The following KANK1 variants were observed in gnomAD, a reference collection of about 807,000 sequenced individuals.
KANK1 encodes the protein KN motif and ankyrin repeat domain-containing protein 1.
A neutral mutation model predicts 106.2 loss-of-function variants in KANK1; 109 were observed. The ratio of observed to expected loss-of-function variants is 1.03; its 90% CI spans 0.88 to 1.20. The LOEUF (loss-of-function observed/expected upper bound fraction) is 1.20, where lower values mean the gene tolerates loss of function less well. KANK1 is among the 50% of genes most tolerant of loss of function. KANK1 has a pLI of 0.00. For missense variants in KANK1, 2,399 were observed against 1,710.7 expected (o/e 1.40, Z -7.10); for synonymous variants, 873 against 652.2 (o/e 1.34, Z -5.16).
upstream of KANK1, among the ~76,000 whole-genome samples, chr9:503,139 G>C (rs10815129): frequency 0.25 from 38,380 of 151,064 alleles, 10,501 homozygotes; most frequent in African/African-American, 0.69. Flanking sequence ...GCGCCTGGCC[G>C]ACGAGCACTT....
At chr9:653,162 TG>T (rs1274058703) in intron 1 of KANK1, among the ~76,000 whole-genome samples, 4 of 152,152 alleles carry the variant, frequency 2.6e-5, no homozygotes, top group Admixed American at 2.6e-4. Context: ...AATCATAGAA[TG>T]TCTGTCAGGC....
intron 7 of KANK1, among the ~76,000 whole-genome samples, chr9:737,565 C>T (rs950773841): frequency 3.3e-5 from 5 of 152,214 alleles, no homozygotes; most frequent in Admixed American, 6.5e-5. Context: ...AAGCAAGTGC[C>T]TTCTTCATGT....
At chr9:634,345 C>T (rs1298569288) in intron 1 of KANK1, among the ~76,000 whole-genome samples, 1 of 152,048 alleles carries the variant, frequency 6.6e-6, no homozygotes, top group Non-Finnish European at 1.5e-5. Context: ...CTCTGGACTT[C>T]CTTGGTTGAG....
chr9:698,885 A>G (rs1448207728), intron 2 of KANK1, among the ~76,000 whole-genome samples: 1 of 152,074 alleles, frequency 6.6e-6, no homozygotes, highest in African/African-American at 2.4e-5. Context: ...AAATCTGATC[A>G]TTTCACTCCC....
At chr9:506,182 C>A (rs1234381184) in intron 1 of KANK1, among the ~76,000 whole-genome samples, 2 of 152,242 alleles carry the variant, frequency 1.3e-5, no homozygotes, top group African/African-American at 2.4e-5. Context: ...CCCAGCCCTT[C>A]TCCCTCATTT....
chr9:693,743 G>T (rs190817073), intron 2 of KANK1: 3 of 985,352 alleles, frequency 3.0e-6, no homozygotes, highest in Admixed American at 6.1e-5. Context: ...CTGAGACCTG[G>T]CTTCCTGCTC....
At chr9:534,904 A>AAT (rs1198265211) in intron 1 of KANK1, among the ~76,000 whole-genome samples, 1 of 152,212 alleles carries the variant, frequency 6.6e-6, no homozygotes, top group Non-Finnish European at 1.5e-5. Flanking sequence ...TGTGTATTGT[A>AAT]ATTCCATGGA....
chr9:745,371 G>A lies in KANK1; in HGVS notation c.*136G>A. The stretch of plus-strand genomic sequence containing the variant: ...AGAAGCATCAAGCCCAGGGGTAAAG[G>A]CTGAAGCTTTCACAGTGCAGAGACT... On this transcript the variant is annotated 3_prime_UTR_variant, in exon 12 of 12. Coordinates refer to ENST00000382297, the MANE Select transcript of KANK1 (RefSeq NM_015158.5). 1 of 1,128,892 alleles carries A rather than the reference G, an allele frequency of 8.9e-7. No homozygotes were observed. Among genetic ancestry groups the A allele is most frequent in the Non-Finnish European group, 1.3e-6 (1 of 763,382 alleles). 69.9% of individuals were successfully genotyped at this position (1,128,892 alleles called of 1,614,324 possible). A position where few individuals can be genotyped will look rare whatever the true frequency, so the allele number is the denominator to read the frequency against.
At chr9:556,013 T>G (rs2061563148) in intron 1 of KANK1, among the ~76,000 whole-genome samples, 1 of 152,240 alleles carries the variant, frequency 6.6e-6, no homozygotes, top group Admixed American at 6.5e-5. Flanking sequence ...TTTTTAATCA[T>G]ACTATAAAAT....
At chr9:722,919 A>C (rs537976997) in intron 3 of KANK1, among the ~76,000 whole-genome samples, 1 of 152,302 alleles carries the variant, frequency 6.6e-6, no homozygotes, top group African/African-American at 2.4e-5. Flanking sequence ...GGCATATTTG[A>C]ATCTGGACCG....
At chr9:501,659 A>G (rs901033856), upstream of KANK1, among the ~76,000 whole-genome samples, 1 of 151,664 alleles carries the variant, frequency 6.6e-6, no homozygotes, top group Non-Finnish European at 1.5e-5. Context: ...GCTTGATATG[A>G]TATCGATTGG....
At chr9:508,533 G>A (rs576759883) in intron 1 of KANK1, among the ~76,000 whole-genome samples, 6 of 152,002 alleles carry the variant, frequency 3.9e-5, no homozygotes, top group South Asian at 4.1e-4. Flanking sequence ...AATATTGCCA[G>A]CATTGCAGAA....
intron 1 of KANK1, among the ~76,000 whole-genome samples, chr9:582,781 C>T (rs1349465902): frequency 6.6e-6 from 1 of 152,206 alleles, no homozygotes; most frequent in Non-Finnish European, 1.5e-5. Context: ...AATTTCAGTA[C>T]AAGCTGTACA....
At chr9:719,711 C>A (rs1166176226) in intron 3 of KANK1, among the ~76,000 whole-genome samples, 1 of 152,102 alleles carries the variant, frequency 6.6e-6, no homozygotes, top group African/African-American at 2.4e-5. Flanking sequence ...GAATTGATCT[C>A]TTTAAAACCC....
chr9:631,938 A>C (rs1409772110), intron 1 of KANK1, among the ~76,000 whole-genome samples: 1 of 152,128 alleles, frequency 6.6e-6, no homozygotes, highest in East Asian at 1.9e-4. Context: ...CTCAGCTCAC[A>C]CCAATAGGAT....
At chr9:608,876 A>G (rs1829939077) in intron 1 of KANK1, among the ~76,000 whole-genome samples, 2 of 152,208 alleles carry the variant, frequency 1.3e-5, no homozygotes, top group East Asian at 1.9e-4. Context: ...CCATGGTGAC[A>G]TGCATAATAG....
At chr9:479,323 C>T (rs1442352715) in intron 3 of KANK1, among the ~76,000 whole-genome samples, 4 of 152,176 alleles carry the variant, frequency 2.6e-5, no homozygotes, top group Non-Finnish European at 5.9e-5. Context: ...AATGGAAGAA[C>T]ACTGGAGTTG....
At chr9:721,422 A>AG (rs1046677975) in intron 3 of KANK1, among the ~76,000 whole-genome samples, 6 of 152,154 alleles carry the variant, frequency 3.9e-5, no homozygotes, top group African/African-American at 7.2e-5. Context: ...TAAAAGAAAA[A>AG]GGGGGGGCCA....
At chr9:562,764 T>C (rs1462330400) in intron 1 of KANK1, among the ~76,000 whole-genome samples, 1 of 152,230 alleles carries the variant, frequency 6.6e-6, no homozygotes, top group Admixed American at 6.5e-5. Context: ...AATTTAAAGC[T>C]TTCTAATGGA....
Sources: gnomAD v4.1 joint callset for allele counts (sites outside exome capture counted in the v4.1 genomes callset) on GRCh38, gnomAD v4.1.1 for gene constraint, MANE v1.5 for transcripts, NCBI Gene and HGNC (gene_info 2026-07-23, HGNC 2026-07-21) for gene names.